The following GUCY1B1 variants were observed in gnomAD, a reference collection of about 807,000 sequenced individuals.
GUCY1B1 encodes the protein guanylate cyclase 1 soluble subunit beta 1.
GUCY1B1 carries 43 observed loss-of-function variants against 71.0 expected under a neutral mutation model. That is an observed-to-expected ratio of 0.61 (90% CI 0.47 to 0.78). The LOEUF (loss-of-function observed/expected upper bound fraction) is 0.78. Ranked by LOEUF, GUCY1B1 falls within the 30% of genes least tolerant of loss-of-function variation. The pLI is 0.00. For missense variants in GUCY1B1, 535 were observed against 754.1 expected (o/e 0.71, Z 3.40); for synonymous variants, 266 against 259.7 (o/e 1.02, Z -0.23).
At chr4:155,788,405 C>T (rs1738941953) in intron 4 of GUCY1B1, among the ~76,000 whole-genome samples, 2 of 152,206 alleles carry the variant, frequency 1.3e-5, no homozygotes, top group Admixed American at 1.3e-4. Context: ...ACTCCCATCT[C>T]TTTGACCTTT....
At chr4:155,784,987 A>T (rs1738668517) in intron 4 of GUCY1B1, among the ~76,000 whole-genome samples, 1 of 152,166 alleles carries the variant, frequency 6.6e-6, no homozygotes, top group Admixed American at 6.5e-5. Flanking sequence ...GAAGTGTACT[A>T]TGTCTGAAAT....
At chr4:155,799,439 A>T (rs1466837864) in intron 8 of GUCY1B1, among the ~76,000 whole-genome samples, 1 of 152,202 alleles carries the variant, frequency 6.6e-6, no homozygotes, top group Non-Finnish European at 1.5e-5. Flanking sequence ...AGCAGTTACA[A>T]GATTCATAGA....
chr4:155,779,806 A>G (rs908996977), intron 4 of GUCY1B1, among the ~76,000 whole-genome samples: 1 of 152,192 alleles, frequency 6.6e-6, no homozygotes, highest in African/African-American at 2.4e-5. Context: ...ATATATTGAC[A>G]TTTTTATTAC....
chr4:155,796,579 T>G (rs1321230490), intron 8 of GUCY1B1, 69 bp downstream of exon 8: 2 of 1,013,786 alleles, frequency 2.0e-6, no homozygotes, highest in Non-Finnish European at 2.9e-6. Flanking sequence ...AATGCCACAA[T>G]ATTTTATTCC....
chr4:155,765,937 A>G (rs1007716142), intron 2 of GUCY1B1, among the ~76,000 whole-genome samples: 1 of 152,152 alleles, frequency 6.6e-6, no homozygotes, highest in African/African-American at 2.4e-5. Context: ...TCTCACATCC[A>G]AACTTTTCCC....
chr4:155,792,201 A>G (rs1445907855), intron 5 of GUCY1B1, among the ~76,000 whole-genome samples: 1 of 151,990 alleles, frequency 6.6e-6, no homozygotes, highest in African/African-American at 2.4e-5. Context: ...AATTTGAACC[A>G]CATGGTTAAT....
At chr4:155,775,482 C>T (rs778814748) in intron 3 of GUCY1B1, among the ~76,000 whole-genome samples, 5 of 151,950 alleles carry the variant, frequency 3.3e-5, no homozygotes, top group Non-Finnish European at 5.9e-5. Context: ...TTGGTAGAGA[C>T]GAGGTTTCAT....
chr4:155,774,953 GTT>G lies in GUCY1B1; in HGVS notation c.78-11_78-10del, dbSNP rs1737943192. On this transcript the variant is annotated splice_polypyrimidine_tract_variant and intron_variant, in intron 2 of 13. Transcript: ENST00000264424. The stretch of plus-strand genomic sequence containing the variant: ...TCAACTTTTCTCTTCTGTCTTTCTT[GTT>G]TTTGTTTTCCAGAAAAGAGGCACAG... 4 of 1,352,510 alleles carry G rather than the reference GTT, an allele frequency of 3.0e-6. No homozygotes were observed. The East Asian group carries it at 9.2e-5, about 31-fold the overall frequency. The allele number at this position is 1,352,510 out of a possible 1,614,324, so 83.8% of individuals were successfully genotyped here.
chr4:155,805,096 C>CT lies in GUCY1B1; in HGVS notation c.1710-3dup. On this transcript the variant is annotated splice_polypyrimidine_tract_variant and splice_region_variant and intron_variant, in intron 12 of 13. Transcript: ENST00000264424. Reference sequence around the variant, plus strand: ...TCTCTCTCTACTCCCCTTCCCTTGTCTTTTAGATGTCTTATGTCTCCAGAA... The same window carrying CT: ...TCTCTCTCTACTCCCCTTCCCTTGTCTTTTTAGATGTCTTATGTCTCCAGAA... The CT allele has an allele frequency of 6.2e-7, 1 of 1,610,084 alleles. No individual in the cohort carries two copies.
intron 4 of GUCY1B1, among the ~76,000 whole-genome samples, chr4:155,782,732 T>A (rs1204452696): frequency 6.6e-6 from 1 of 152,188 alleles, no homozygotes; most frequent in Non-Finnish European, 1.5e-5. Context: ...ATATTTAAAC[T>A]TCCTAGGCTA....
intron 2 of GUCY1B1, among the ~76,000 whole-genome samples, chr4:155,760,831 A>T (rs1736953329): frequency 6.6e-6 from 1 of 152,076 alleles, no homozygotes; most frequent in Non-Finnish European, 1.5e-5. Context: ...GTTATTATTC[A>T]CTCTGATTTC....
At chr4:155,777,189 A>C (rs1257654441) in intron 3 of GUCY1B1, among the ~76,000 whole-genome samples, 4 of 152,230 alleles carry the variant, frequency 2.6e-5, no homozygotes, top group African/African-American at 9.6e-5. Flanking sequence ...TTCCACTTGT[A>C]GTGTCACGTT....
At chr4:155,778,021 C>T (rs1011046365) in intron 4 of GUCY1B1, among the ~76,000 whole-genome samples, 3 of 151,972 alleles carry the variant, frequency 2.0e-5, no homozygotes, top group Non-Finnish European at 4.4e-5. Context: ...ACAAAACATT[C>T]CTAGTTTGTA....
intron 4 of GUCY1B1, chr4:155,785,282 A>G: frequency 1.4e-6 from 2 of 1,450,714 alleles, no homozygotes; most frequent in Non-Finnish European, 1.9e-6. Flanking sequence ...ATCAAAGCAT[A>G]TTTCAGATTT....
intron 2 of GUCY1B1, among the ~76,000 whole-genome samples, chr4:155,765,618 C>G (rs1737282223): frequency 1.3e-5 from 2 of 152,118 alleles, no homozygotes; most frequent in African/African-American, 4.8e-5. Context: ...GTTGCATATT[C>G]TGGTCTACTT....
intron 2 of GUCY1B1, among the ~76,000 whole-genome samples, chr4:155,770,593 C>T: frequency 6.6e-6 from 1 of 152,144 alleles, no homozygotes; most frequent in East Asian, 1.9e-4. Flanking sequence ...GTGTATTAAA[C>T]TGCTTCATAC....
rs922706634 is a variant in GUCY1B1, at chr4:155,806,549, T to C, written c.*140T>C. On this transcript the variant is annotated 3_prime_UTR_variant, in exon 14 of 14. Coordinates refer to ENST00000264424, the MANE Select transcript of GUCY1B1 (RefSeq NM_000857.5). ...CATTACCCCAAGACTTTCTTCTAGA[T>C]ATATCTCTCACTATCCGTTATTCAA... is the stretch of plus-strand genomic sequence containing the variant. The C allele has an allele frequency of 1.8e-5, 11 of 608,466 alleles. No homozygotes were observed. Among genetic ancestry groups the C allele is most frequent in the Non-Finnish European group, 3.3e-5 (11 of 334,966 alleles). 37.7% of individuals were successfully genotyped at this position (608,466 alleles called of 1,614,324 possible).
intron 5 of GUCY1B1, among the ~76,000 whole-genome samples, chr4:155,793,208 C>T (rs1739304010): frequency 6.6e-6 from 1 of 152,116 alleles, no homozygotes; most frequent in Non-Finnish European, 1.5e-5. Flanking sequence ...TCCCGAGTAG[C>T]TGGGATTATA....
rs568300414 is a variant in GUCY1B1, at chr4:155,763,239, G to A, written c.77+3379G>A. Among the ~76,000 whole-genome samples, 4 of 152,138 alleles carry A rather than the reference G, an allele frequency of 2.6e-5. No homozygotes were observed. The East Asian group carries it at 5.8e-4, about 22-fold the overall frequency. The stretch of plus-strand genomic sequence containing the variant: ...AGCGGAGGGAAGCAGTTAGAGACAG[G>A]TCTTGCTGTGTGCCCAAGCTGGTCT... On this transcript the variant is annotated intron_variant, in intron 2 of 13. Coordinates refer to ENST00000264424, the MANE Select transcript of GUCY1B1 (RefSeq NM_000857.5).
Sources: gnomAD v4.1 joint callset for allele counts (sites outside exome capture counted in the v4.1 genomes callset) on GRCh38, gnomAD v4.1.1 for gene constraint, MANE v1.5 for transcripts, NCBI Gene and HGNC (gene_info 2026-07-23, HGNC 2026-07-21) for gene names.